The following CYRIB variants were observed in gnomAD, a reference collection of about 807,000 sequenced individuals.
CYRIB encodes CYFIP-related Rac1 interactor B.
In CYRIB, 8 loss-of-function variants were observed where a neutral mutation model predicts 44.2. The ratio of observed to expected loss-of-function variants is 0.18; its 90% confidence interval spans 0.11 to 0.33. The LOEUF (loss-of-function observed/expected upper bound fraction) is 0.33. CYRIB is among the 10% of genes least tolerant of loss of function. CYRIB has a pLI of 1.00. For missense variants in CYRIB, 185 were observed against 382.8 expected (o/e 0.48, Z 4.31); for synonymous variants, 131 against 127.2 (o/e 1.03, Z -0.20).
intron 4 of CYRIB, among the ~76,000 whole-genome samples, chr8:129,869,406 C>CAAAAAAAAAAAAAAAAAAAAAAAAAAAA (rs1180474047): frequency 7.8e-6 from 1 of 128,416 alleles, no homozygotes. Flanking sequence ...AAAAAAAAAT[C>CAAAAAAAAAAAAAAAAAAAAAAAAAAAA]AAACAGGTAA....
intron 6 of CYRIB, 30 bp downstream of exon 8, chr8:129,855,581 G>C (rs200833467): frequency 6.2e-6 from 10 of 1,610,978 alleles, no homozygotes; most frequent in East Asian, 2.2e-5. Context: ...CATGATTTTC[G>C]TAACAATCAG....
intron 1 of CYRIB, among the ~76,000 whole-genome samples, chr8:129,979,865 G>A (rs1356438002): frequency 6.6e-6 from 1 of 152,156 alleles, no homozygotes; most frequent in Non-Finnish European, 1.5e-5. Context: ...AGGGTGCAAT[G>A]AGCCGAGATC....
chr8:129,967,631 A>G (rs1316608148), intron 2 of CYRIB, among the ~76,000 whole-genome samples: 2 of 152,012 alleles, frequency 1.3e-5, no homozygotes, highest in Non-Finnish European at 2.9e-5. Flanking sequence ...CGCCTGCCTC[A>G]GCCTCCCAAA....
chr8:129,980,455 A>T (rs2096178785), intron 1 of CYRIB, among the ~76,000 whole-genome samples: 1 of 152,162 alleles, frequency 6.6e-6, no homozygotes, highest in Non-Finnish European at 1.5e-5. Context: ...GTGTATTTTA[A>T]TACGCAGTCT....
chr8:129,847,946 T>A lies in CYRIB; in HGVS notation c.841-1072A>T, dbSNP rs193019168. On this transcript the variant is annotated intron_variant, in intron 10 of 11. Coordinates refer to ENST00000519824, the Ensembl canonical transcript of CYRIB. ...CCTCCCGAGTAGCTGGGACTACAGATGTGTGCCACCACACCCAGCTAATTT... is the reference window on the plus strand; with the variant it reads ...CCTCCCGAGTAGCTGGGACTACAGAAGTGTGCCACCACACCCAGCTAATTT... Among the ~76,000 whole-genome samples, 523 of 152,222 alleles carry A rather than the reference T, an allele frequency of 3.4e-3. 1 individual carries two copies. The highest frequency in any genetic ancestry group is 4.8e-3 in the South Asian group (23 of 4,826).
intron 1 of CYRIB, among the ~76,000 whole-genome samples, chr8:129,910,507 A>C (rs1211127890): frequency 1.4e-5 from 2 of 139,454 alleles, no homozygotes; most frequent in Non-Finnish European, 3.0e-5. Context: ...TTTTTTTTAA[A>C]GAGACAAGGG....
chr8:129,861,788 A>G (rs1330981783), intron 5 of CYRIB, among the ~76,000 whole-genome samples: 1 of 152,020 alleles, frequency 6.6e-6, no homozygotes, highest in Non-Finnish European at 1.5e-5. Context: ...ACATGAATTA[A>G]GCGTAACCAG....
At chr8:130,015,582 A>G (rs2097324038) in intron 1 of CYRIB, among the ~76,000 whole-genome samples, 1 of 152,150 alleles carries the variant, frequency 6.6e-6, no homozygotes, top group East Asian at 1.9e-4. Context: ...CAGGGTGGGT[A>G]GCAAAGGCAC....
intron 3 of CYRIB, among the ~76,000 whole-genome samples, chr8:129,878,553 C>T (rs2059903918): frequency 6.6e-6 from 1 of 152,074 alleles, no homozygotes; most frequent in African/African-American, 2.4e-5. Context: ...ACCTCTTCAC[C>T]CTTTCCTAAC....
rs767756582 is a variant in CYRIB, at chr8:130,009,046, C to T, written c.-296+7324G>A. Among the ~76,000 whole-genome samples, 190 of 152,168 alleles carry T rather than the reference C, an allele frequency of 1.2e-3. 4 individuals are homozygous for T. Among genetic ancestry groups the T allele is most frequent in the Non-Finnish European group, 1.9e-4 (13 of 68,036 alleles). Reference sequence around the variant, plus strand: ...TCAGGCATATTCAGACATCTTCTGACCTAAGAGCCACAACAAGCTGGAAAA... The same window carrying T: ...TCAGGCATATTCAGACATCTTCTGATCTAAGAGCCACAACAAGCTGGAAAA... On this transcript the variant is annotated intron_variant, in intron 1 of 14. Coordinates refer to the CYRIB transcript ENST00000401979.
chr8:129,922,618 C>T (rs1385605996), intron 1 of CYRIB, among the ~76,000 whole-genome samples: 2 of 152,078 alleles, frequency 1.3e-5, no homozygotes, highest in African/African-American at 2.4e-5. Flanking sequence ...AATCCCAGCA[C>T]TTTGGGAGGC....
chr8:129,850,344 G>GAA, intron 9 of CYRIB: 1 of 144,946 alleles, frequency 6.9e-6, no homozygotes, highest in Non-Finnish European at 1.5e-5. Flanking sequence ...AGAGAGGAGA[G>GAA]AAAAAAAAAC....
At chr8:129,948,296 C>T (rs1367716428) in intron 2 of CYRIB, among the ~76,000 whole-genome samples, 1 of 152,184 alleles carries the variant, frequency 6.6e-6, no homozygotes, top group African/African-American at 2.4e-5. Context: ...TTCCCAAGCC[C>T]TACCCTCGAG....
intron 1 of CYRIB, among the ~76,000 whole-genome samples, chr8:129,928,641 C>G (rs2089471093): frequency 7.1e-6 from 1 of 141,410 alleles, no homozygotes; most frequent in South Asian, 2.2e-4. Context: ...GCCTGAGTGA[C>G]AAAGTAAAAT....
chr8:130,006,129 A>C (rs1976582), intron 1 of CYRIB, among the ~76,000 whole-genome samples: 88,053 of 151,622 alleles, frequency 0.58, 27,958 homozygotes, highest in African/African-American at 0.86. Flanking sequence ...ATGGTAAAAT[A>C]CTGTCTCTAT....
chr8:129,975,448 A>G (rs1410449040), intron 1 of CYRIB, among the ~76,000 whole-genome samples: 1 of 152,246 alleles, frequency 6.6e-6, no homozygotes, highest in African/African-American at 2.4e-5. Context: ...TATTTCATTA[A>G]AACACATTAC....
intron 1 of CYRIB, among the ~76,000 whole-genome samples, chr8:129,914,002 A>G (rs1283087774): frequency 6.6e-6 from 1 of 152,172 alleles, no homozygotes; most frequent in Middle Eastern, 3.2e-3. Flanking sequence ...CCAATTTTTT[A>G]TATCCTGATC....
chr8:129,994,166 G>A (rs181543029), intron 1 of CYRIB, among the ~76,000 whole-genome samples: 2 of 152,170 alleles, frequency 1.3e-5, no homozygotes, highest in African/African-American at 4.8e-5. Flanking sequence ...TGATAACCAC[G>A]TGAAGACACA....
intron 11 of CYRIB, among the ~76,000 whole-genome samples, chr8:129,843,530 A>C (rs1362407870): frequency 6.6e-6 from 1 of 152,246 alleles, no homozygotes; most frequent in African/African-American, 2.4e-5. Flanking sequence ...CCAGACAGAG[A>C]AATCTGGTTC....
Sources: gnomAD v4.1 joint callset for allele counts (sites outside exome capture counted in the v4.1 genomes callset) on GRCh38, gnomAD v4.1.1 for gene constraint, MANE v1.5 for transcripts, NCBI Gene and HGNC (gene_info 2026-07-23, HGNC 2026-07-21) for gene names.